ASCC3: variants seen among roughly 807,000 people sequenced by gnomAD.
ASCC3 encodes ASC-1 complex subunit P200.
In ASCC3, 158 loss-of-function variants were observed where a neutral mutation model predicts 256.3. The observed-to-expected ratio is 0.62, with a 90% CI of 0.54 to 0.70. ASCC3 has a LOEUF of 0.70. Among genes scored for constraint, ASCC3 ranks in the 30% least tolerant of loss-of-function variants. ASCC3 has a pLI of 0.00. For synonymous variants in ASCC3, 948 were observed against 883.4 expected (o/e 1.07, Z -1.30); for missense variants, 2,259 against 2,626.0 (o/e 0.86, Z 3.05).
intron 10 of ASCC3, among the ~76,000 whole-genome samples, chr6:100,758,173 G>A (rs1224148618): frequency 1.3e-5 from 2 of 152,098 alleles, no homozygotes; most frequent in Admixed American, 6.6e-5. Flanking sequence ...CAAATGAGAC[G>A]ATACATATAG....
chr6:100,843,092 A>G (rs1462206758), intron 4 of ASCC3, among the ~76,000 whole-genome samples: 4 of 152,218 alleles, frequency 2.6e-5, no homozygotes, highest in African/African-American at 7.2e-5. Context: ...GTTCAATAAC[A>G]TAAAGAAAAA....
intron 4 of ASCC3, among the ~76,000 whole-genome samples, chr6:100,833,556 G>C (rs939704361): frequency 6.6e-6 from 1 of 152,040 alleles, no homozygotes; most frequent in African/African-American, 2.4e-5. Flanking sequence ...AAGGGGAGTA[G>C]ATATACAAGA....
At chr6:100,793,233 C>G (rs1425707385) in intron 8 of ASCC3, among the ~76,000 whole-genome samples, 1 of 151,986 alleles carries the variant, frequency 6.6e-6, no homozygotes, top group Non-Finnish European at 1.5e-5. Context: ...GTGACTTTTA[C>G]TTTGGCTTTA....
At chr6:100,593,480 C>G (rs1255637147) in intron 34 of ASCC3, among the ~76,000 whole-genome samples, 2 of 152,030 alleles carry the variant, frequency 1.3e-5, no homozygotes, top group African/African-American at 4.8e-5. Flanking sequence ...TTTTTCAAAT[C>G]TTAATACTGA....
chr6:100,755,962 T>C (rs1423498743), intron 10 of ASCC3, among the ~76,000 whole-genome samples: 1 of 152,076 alleles, frequency 6.6e-6, no homozygotes, highest in Non-Finnish European at 1.5e-5. Flanking sequence ...GTTATGCATC[T>C]ACATGGAAAA....
intron 4 of ASCC3, among the ~76,000 whole-genome samples, chr6:100,822,940 C>A (rs921676710): frequency 2.6e-5 from 4 of 152,136 alleles, no homozygotes; most frequent in Non-Finnish European, 4.4e-5. Flanking sequence ...ATATATACTT[C>A]TAGGAAACCA....
At chr6:100,520,652 C>A (rs1344462171) in intron 37 of ASCC3, among the ~76,000 whole-genome samples, 6 of 152,118 alleles carry the variant, frequency 3.9e-5, no homozygotes, top group Admixed American at 3.9e-4. Flanking sequence ...CAACCATATA[C>A]TCTGTAACTA....
At chr6:100,609,648 A>G (rs1379509237) in intron 30 of ASCC3, among the ~76,000 whole-genome samples, 1 of 152,156 alleles carries the variant, frequency 6.6e-6, no homozygotes, top group African/African-American at 2.4e-5. Context: ...TCAAACCTGT[A>G]ATCCCAGCAC....
chr6:100,847,677 T>C (rs1772449551), intron 4 of ASCC3, among the ~76,000 whole-genome samples: 1 of 152,188 alleles, frequency 6.6e-6, no homozygotes, highest in South Asian at 2.1e-4. Context: ...ATCTTGATAT[T>C]GGTGTCTCCT....
At chr6:100,832,098 T>C (rs1025488764) in intron 4 of ASCC3, among the ~76,000 whole-genome samples, 1 of 152,118 alleles carries the variant, frequency 6.6e-6, no homozygotes, top group African/African-American at 2.4e-5. Flanking sequence ...TCTGATAGGA[T>C]TTTTGAAAGA....
chr6:100,631,273 AAAAGT>A (rs1421205155), intron 25 of ASCC3, 60 bp from the exon 26 acceptor site: 32 of 1,364,772 alleles, frequency 2.3e-5, no homozygotes, highest in Non-Finnish European at 3.3e-5. Flanking sequence ...ATTTTGAAAT[AAAAGT>A]AAACTCCAAA....
At chr6:100,587,620 T>C (rs912993584) in intron 36 of ASCC3, among the ~76,000 whole-genome samples, 1 of 152,216 alleles carries the variant, frequency 6.6e-6, no homozygotes, top group Non-Finnish European at 1.5e-5. Flanking sequence ...ATTCTTGCTG[T>C]GGAAATTTTT....
At chr6:100,580,748 A>C (rs1771186230) in intron 36 of ASCC3, among the ~76,000 whole-genome samples, 5 of 98,712 alleles carry the variant, frequency 5.1e-5, no homozygotes, top group South Asian at 4.1e-4. Context: ...CCACCCCACA[A>C]CAGTCCCCAG....
intron 14 of ASCC3, among the ~76,000 whole-genome samples, chr6:100,672,277 A>G (rs1776791847): frequency 6.6e-6 from 1 of 152,082 alleles, no homozygotes; most frequent in African/African-American, 2.4e-5. Context: ...AGGGATGACT[A>G]CTTTTTCCTC....
chr6:100,824,256 A>G (rs1771189405), intron 4 of ASCC3, among the ~76,000 whole-genome samples: 1 of 152,240 alleles, frequency 6.6e-6, no homozygotes, highest in Non-Finnish European at 1.5e-5. Context: ...TGTTTAAGAA[A>G]TAATTAAGTA....
intron 10 of ASCC3, among the ~76,000 whole-genome samples, chr6:100,749,426 C>T (rs969847681): frequency 6.6e-6 from 1 of 151,876 alleles, no homozygotes; most frequent in African/African-American, 2.4e-5. Flanking sequence ...CTGTAATCTG[C>T]ATTTTTAAAC....
chr6:100,573,968 G>T (rs1054721430), intron 36 of ASCC3, among the ~76,000 whole-genome samples: 1 of 151,998 alleles, frequency 6.6e-6, no homozygotes, highest in Non-Finnish European at 1.5e-5. Context: ...TAACTCTTTG[G>T]GGGAGGACAA....
intron 36 of ASCC3, among the ~76,000 whole-genome samples, chr6:100,568,325 G>A (rs1333067693): frequency 2.7e-5 from 4 of 149,728 alleles, no homozygotes; most frequent in African/African-American, 4.9e-5. Context: ...CAGAGATCAC[G>A]CCACTGCACT....
chr6:100,529,903 C>T (rs1774780322), intron 37 of ASCC3, among the ~76,000 whole-genome samples: 1 of 152,022 alleles, frequency 6.6e-6, no homozygotes, highest in Admixed American at 6.6e-5. Context: ...ACAACAGGGC[C>T]TGATACGAAG....
Sources: allele counts gnomAD v4.1 joint callset (sites outside exome capture counted in the v4.1 genomes callset), GRCh38; gene constraint gnomAD v4.1.1; transcripts MANE v1.5; gene names NCBI Gene and HGNC (gene_info 2026-07-23, HGNC 2026-07-21).